ZNF710: variants seen among roughly 807,000 people sequenced by gnomAD.
ZNF710 encodes zinc finger protein 710.
A neutral mutation model predicts 50.6 loss-of-function variants in ZNF710; 13 were observed. The observed-to-expected ratio is 0.26, with a 90% CI of 0.17 to 0.41. The LOEUF (loss-of-function observed/expected upper bound fraction) is 0.41, where lower values mean the gene tolerates loss of function less well. Ranked by LOEUF, ZNF710 falls within the 10% of genes least tolerant of loss-of-function variation. The pLI, the probability that ZNF710 is intolerant of heterozygous loss-of-function variation, is 1.00. For synonymous variants in ZNF710, 383 were observed against 397.0 expected (o/e 0.96, Z 0.42); for missense variants, 721 against 936.6 (o/e 0.77, Z 3.01).
In ZNF710 at chr15:90,027,761, A is replaced by G. The variant is rs1228959922; in HGVS notation, c.-29+26147A>G. Among the ~76,000 whole-genome samples the G allele has an allele frequency of 2.6e-5, 4 of 151,594 alleles. No individual in the cohort carries two copies. The East Asian group carries it at 5.9e-4, about 22-fold the overall frequency. On this transcript the variant is annotated intron_variant, in intron 1 of 4. Transcript: ENST00000268154. Reference sequence around the variant, plus strand: ...CAGCTGCTCGGAAGGCTGAGGCATGAGAATCACTTGAACCTGGGAGGTTGC... The same window carrying G: ...CAGCTGCTCGGAAGGCTGAGGCATGGGAATCACTTGAACCTGGGAGGTTGC...
chr15:90,040,894 TTCC>T lies in ZNF710; in HGVS notation c.-28-26204_-28-26202del, dbSNP rs901647071. 6.6e-6 allele frequency among the ~76,000 whole-genome samples: 1 copy of T among 152,210 alleles called. No homozygotes were observed. Among genetic ancestry groups the T allele is most frequent in the African/African-American group, 2.4e-5 (1 of 41,462 alleles). On this transcript the variant is annotated intron_variant, in intron 1 of 4. Transcript: ENST00000268154. This position sits in a 1 kb window ranked among gnomAD's most constrained non-coding sequence, Gnocchi z 4.6. ...GACTTATCTCTCCACCACCCTATCA[TTCC>T]TCCTCCTCCTCTCTTAGTTTTATCA...
chr15:90,042,709 G>T (rs1030177295), intron 1 of ZNF710, among the ~76,000 whole-genome samples: 4 of 152,198 alleles, frequency 2.6e-5, no homozygotes, highest in Admixed American at 2.6e-4. Context: ...ACCTGTGATC[G>T]CAGAGGGACA....
In ZNF710 at chr15:90,067,339, C is replaced by G. The variant is rs1389621664; in HGVS notation, c.202C>G (p.Gln68Glu). ...EPEPPGPDVY[Q>E]LACNGRALEE... ...CGAGCCACCAGGCCCCGACGTCTAC[C>G]AGCTGGCCTGCAACGGGAGGGCCTT... is the stretch of plus-strand genomic sequence containing the variant. Residue 68 changes from glutamine to glutamate, a missense_variant, in exon 2 of 5, where the codon CAG becomes GAG. Gln to Glu is a conservative substitution (Grantham distance 29, BLOSUM62 2). Coordinates refer to ENST00000268154, the MANE Select transcript of ZNF710 (RefSeq NM_198526.4). The surrounding 1 kb of genome is among the most constrained non-coding windows in gnomAD (Gnocchi z 8.1). The G allele has an allele frequency of 6.2e-7, 1 of 1,602,282 alleles. No individual in the cohort carries two copies. Among genetic ancestry groups the G allele is most frequent in the Non-Finnish European group, 8.5e-7 (1 of 1,174,334 alleles).
rs1335978344 is a variant in ZNF710, at chr15:90,059,985, C to G, written c.-28-7125C>G. Among the ~76,000 whole-genome samples the G allele has an allele frequency of 6.6e-6, 1 of 152,184 alleles. No individual in the cohort carries two copies. Among genetic ancestry groups the G allele is most frequent in the East Asian group, 1.9e-4 (1 of 5,184 alleles). ...CTCCAAGGGGCAAAAGGCCCAGAGC[C>G]ACATCCTGGAGGGCTTGAATGCCAG... On this transcript the variant is annotated intron_variant, in intron 1 of 4. Coordinates refer to ENST00000268154, the MANE Select transcript of ZNF710 (RefSeq NM_198526.4). The surrounding 1 kb of genome is among the most constrained non-coding windows in gnomAD (Gnocchi z 4.1).
At chr15:90,029,335 C>G (rs576580279) in intron 1 of ZNF710, among the ~76,000 whole-genome samples, 3 of 152,296 alleles carry the variant, frequency 2.0e-5, no homozygotes, top group South Asian at 2.1e-4. Context: ...CTGGTCCAAC[C>G]TAAAAGGTCC....
chr15:90,011,444 A>G lies in ZNF710; in HGVS notation c.-29+9830A>G, dbSNP rs556037226. Reference sequence around the variant, plus strand: ...ACTGTGTAATGTTCAGTTGGTGTCTATATATTTTTTTCAAACAATGTAAAG... The same window carrying G: ...ACTGTGTAATGTTCAGTTGGTGTCTGTATATTTTTTTCAAACAATGTAAAG... On this transcript the variant is annotated intron_variant, in intron 1 of 4. Transcript: ENST00000268154. 6.6e-5 allele frequency among the ~76,000 whole-genome samples: 10 copies of G among 152,290 alleles called. No individual in the cohort carries two copies. The South Asian group carries it at 2.1e-3, about 32-fold the overall frequency.
At chr15:90,061,181 G>GTTTTGTTTTGTTTTTTTTTTTTTTTTT (rs1899996104) in intron 1 of ZNF710, among the ~76,000 whole-genome samples, 1 of 151,546 alleles carries the variant, frequency 6.6e-6, no homozygotes, top group African/African-American at 2.4e-5. Flanking sequence ...TTTTTGTTTT[G>GTTTTGTTTTGTTTTTTTTTTTTTTTTT]TTTTTTGAGA....
chr15:90,061,987 C>T (rs966119513), intron 1 of ZNF710, among the ~76,000 whole-genome samples: 5 of 151,938 alleles, frequency 3.3e-5, no homozygotes, highest in African/African-American at 1.2e-4. Flanking sequence ...GGCCCCCAGA[C>T]GATGAGTCTT....
intron 1 of ZNF710, among the ~76,000 whole-genome samples, chr15:90,019,398 T>A (rs1316544301): frequency 1.3e-5 from 2 of 152,166 alleles, no homozygotes; most frequent in African/African-American, 4.8e-5. Flanking sequence ...TTGGGTATAT[T>A]TGCCCACAGA....
At chr15:90,011,587 C>T (rs541865994) in intron 1 of ZNF710, among the ~76,000 whole-genome samples, 1 of 152,186 alleles carries the variant, frequency 6.6e-6, no homozygotes, top group African/African-American at 2.4e-5. Context: ...ATGTTATATA[C>T]ACTTAATCCT....
At chr15:90,050,272 T>G (rs765414245) in intron 1 of ZNF710, among the ~76,000 whole-genome samples, 1 of 152,308 alleles carries the variant, frequency 6.6e-6, no homozygotes, top group Middle Eastern at 3.4e-3. Flanking sequence ...GGGGCTCTGC[T>G]GGCATGGAGG....
intron 1 of ZNF710, among the ~76,000 whole-genome samples, chr15:90,008,467 C>CGTATATATATATATATATATATAT (rs1898212474): frequency 7.7e-6 from 1 of 129,962 alleles, no homozygotes; most frequent in African/African-American, 3.6e-5. Context: ...TATATATATA[C>CGTATATATATATATATATATATAT]ATGAAGTAAA....
intron 1 of ZNF710, among the ~76,000 whole-genome samples, chr15:90,013,273 T>C (rs1015581359): frequency 6.6e-6 from 1 of 152,122 alleles, no homozygotes; most frequent in Non-Finnish European, 1.5e-5. Flanking sequence ...TGGCTAAGTT[T>C]TGTATTTGTA....
At chr15:90,014,464 C>A (rs1209343035) in intron 1 of ZNF710, among the ~76,000 whole-genome samples, 1 of 149,940 alleles carries the variant, frequency 6.7e-6, no homozygotes, top group African/African-American at 2.5e-5. Flanking sequence ...ATCAGTTGTA[C>A]CCGGGAGTTT....
At chr15:90,010,546 C>T (rs972114612) in intron 1 of ZNF710, among the ~76,000 whole-genome samples, 4 of 152,130 alleles carry the variant, frequency 2.6e-5, no homozygotes, top group African/African-American at 9.7e-5. Context: ...CCACTTGCCT[C>T]AGCCTCCCAT....
chr15:90,027,907 C>A (rs1358704652), intron 1 of ZNF710, among the ~76,000 whole-genome samples: 1 of 149,958 alleles, frequency 6.7e-6, no homozygotes, highest in African/African-American at 2.5e-5. Context: ...AATTAGCAAA[C>A]AAATGCCCGA....
intron 1 of ZNF710, among the ~76,000 whole-genome samples, chr15:90,033,716 G>A (rs890919785): frequency 6.6e-6 from 1 of 152,168 alleles, no homozygotes; most frequent in Non-Finnish European, 1.5e-5. Flanking sequence ...TCGCTACCAT[G>A]CCCAGCTTGT....
chr15:89,999,943 A>G (rs1897975526), upstream of ZNF710, among the ~76,000 whole-genome samples: 1 of 151,156 alleles, frequency 6.6e-6, no homozygotes, highest in African/African-American at 2.4e-5. Flanking sequence ...GGGAAGAGGG[A>G]GGGGAGAGGA....
rs778601209 is a variant in ZNF710, at chr15:90,067,263, C to T, written c.126C>T (p.Ala42=). The change falls in exon 2 of 5, where the codon GCC becomes GCT. Residue 42 remains alanine, a synonymous_variant. Transcript: ENST00000268154. This position sits in a 1 kb window ranked among gnomAD's most constrained non-coding sequence, Gnocchi z 8.1. ...ELFGATISAE[A]FYPDLGPELS... is the part of the protein sequence containing the mutation. ...TTGGAGCTACCATAAGCGCCGAGGC[C>T]TTCTACCCGGACCTGGGGCCCGAGC... The T allele has an allele frequency of 5.0e-6, 8 of 1,612,934 alleles. No homozygotes were observed. Among genetic ancestry groups the T allele is most frequent in the African/African-American group, 1.3e-5 (1 of 74,902 alleles).
Sources: allele counts gnomAD v4.1 joint callset (sites outside exome capture counted in the v4.1 genomes callset), GRCh38; gene constraint gnomAD v4.1.1; non-coding constraint Gnocchi (gnomAD v3.1); transcripts MANE v1.5; gene names NCBI Gene and HGNC (gene_info 2026-07-23, HGNC 2026-07-21).